Variants in DENND6A observed in about 807,000 individuals in gnomAD.
DENND6A encodes DENN domain containing 6A, also known as protein DENND6A.
In DENND6A, 43 loss-of-function variants were observed where a neutral mutation model predicts 95.5. The ratio of observed to expected loss-of-function variants is 0.45; its 90% CI spans 0.35 to 0.58. DENND6A has a LOEUF of 0.58. Ranked by LOEUF, DENND6A falls within the 20% of genes least tolerant of loss-of-function variation. The pLI, the probability that DENND6A is intolerant of heterozygous loss-of-function variation, is 0.00. For missense variants in DENND6A, 574 were observed against 736.0 expected (o/e 0.78, Z 2.55); for synonymous variants, 257 against 260.4 (o/e 0.99, Z 0.13).
Position 57,642,878 on chromosome 3 carries a change from C to T in DENND6A, c.1038-1131G>A, listed in dbSNP as rs190616730. On this transcript the variant is annotated intron_variant, in intron 11 of 19. Transcript: ENST00000311128. Reference sequence around the variant, plus strand: ...AAAATTAGCCAGGTGTGGTGGCAGGCGCCTGTAATCCCAGCTACTGGGGAG... The same window carrying T: ...AAAATTAGCCAGGTGTGGTGGCAGGTGCCTGTAATCCCAGCTACTGGGGAG... Among the ~76,000 whole-genome samples the T allele has an allele frequency of 3.9e-5, 6 of 151,944 alleles. No individual in the cohort carries two copies. The East Asian group carries it at 1.2e-3, about 30-fold the overall frequency.
intron 7 of DENND6A, among the ~76,000 whole-genome samples, chr3:57,659,787 T>C (rs1010572511): frequency 2.6e-5 from 4 of 152,366 alleles, no homozygotes; most frequent in Admixed American, 1.3e-4. Flanking sequence ...GGGATGAACA[T>C]GTGTGGTCTG....
chr3:57,632,926 CTTTT>C (rs2070718015), intron 15 of DENND6A, among the ~76,000 whole-genome samples: 2 of 152,164 alleles, frequency 1.3e-5, no homozygotes, highest in Non-Finnish European at 2.9e-5. Context: ...CTATAATCTT[CTTTT>C]AAGGTGAAAA....
At chr3:57,652,210 C>T (rs1196899765) in intron 9 of DENND6A, among the ~76,000 whole-genome samples, 1 of 152,144 alleles carries the variant, frequency 6.6e-6, no homozygotes, top group Non-Finnish European at 1.5e-5. Context: ...ACTTTGAAGG[C>T]TGAGTCATAC....
intron 1 of DENND6A, among the ~76,000 whole-genome samples, chr3:57,677,483 T>G (rs1479700675): frequency 7.4e-6 from 1 of 134,358 alleles, no homozygotes; most frequent in African/African-American, 2.8e-5. Flanking sequence ...TCACCAAGGC[T>G]AGAGTACAGT....
intron 1 of DENND6A, among the ~76,000 whole-genome samples, chr3:57,685,601 C>A (rs182753057): frequency 8.9e-4 from 136 of 152,274 alleles, no homozygotes; most frequent in Admixed American, 2.9e-3. Flanking sequence ...AGATTAGGAA[C>A]ACACAACCTG....
At chr3:57,650,785 A>AT (rs55772491) in intron 9 of DENND6A, among the ~76,000 whole-genome samples, 114,875 of 143,052 alleles carry the variant, frequency 0.8, 46,396 homozygotes, top group East Asian at 0.96. Context: ...TCCACATGGA[A>AT]TTTTTTTTTT....
intron 1 of DENND6A, among the ~76,000 whole-genome samples, chr3:57,680,603 G>A (rs2077155885): frequency 6.6e-6 from 1 of 152,200 alleles, no homozygotes; most frequent in South Asian, 2.1e-4. Context: ...AAGCTGCCCA[G>A]TTTGTGGTAT....
At chr3:57,629,487 A>G (rs1193965747) in intron 18 of DENND6A, among the ~76,000 whole-genome samples, 1 of 151,058 alleles carries the variant, frequency 6.6e-6, no homozygotes, top group Non-Finnish European at 1.5e-5. Context: ...AATACAGAAC[A>G]TAAAAAAAAA....
At chr3:57,641,230 A>AATATTTAAATATATATTATATATTTAT (rs1174982726) in intron 12 of DENND6A, among the ~76,000 whole-genome samples, 6 of 144,076 alleles carry the variant, frequency 4.2e-5, no homozygotes, top group African/African-American at 1.0e-4. Context: ...TATATATTTA[A>AATATTTAAATATATATTATATATTTAT]ATATTTAAAT....
chr3:57,627,900 C>A lies in DENND6A; in HGVS notation c.*314G>T. 1 of 201,822 alleles carries A rather than the reference C, an allele frequency of 5.0e-6. No homozygotes were observed. The highest frequency in any genetic ancestry group is 1.0e-5 in the Non-Finnish European group (1 of 99,080). 12.5% of individuals were successfully genotyped at this position (201,822 alleles called of 1,614,324 possible). A position where few individuals can be genotyped will look rare whatever the true frequency, so the allele number is the denominator to read the frequency against. On this transcript the variant is annotated 3_prime_UTR_variant, in exon 20 of 20. Transcript: ENST00000311128. ...CCAATTTAAAAAAATATCTGCAATG[C>A]CAGCACTGCAGTATGAAATCACTAA... is the stretch of plus-strand genomic sequence containing the variant.
chr3:57,668,994 T>C (rs1372433533), intron 3 of DENND6A, among the ~76,000 whole-genome samples: 3 of 152,116 alleles, frequency 2.0e-5, no homozygotes. Flanking sequence ...TGCCTCAGCC[T>C]CCTGAGTAGC....
intron 1 of DENND6A, among the ~76,000 whole-genome samples, chr3:57,688,692 A>C (rs936114540): frequency 2.7e-5 from 4 of 147,240 alleles, no homozygotes; most frequent in South Asian, 2.2e-4. Context: ...ACAAAAAAAA[A>C]CACACAGCTC....
At chr3:57,689,080 G>A (rs2077237475) in intron 1 of DENND6A, among the ~76,000 whole-genome samples, 1 of 151,730 alleles carries the variant, frequency 6.6e-6, no homozygotes, top group Admixed American at 6.6e-5. Flanking sequence ...TCACCCTCCC[G>A]AGTAGCTGGG....
chr3:57,647,786 G>A (rs2153414065), intron 9 of DENND6A, among the ~76,000 whole-genome samples: 1 of 151,482 alleles, frequency 6.6e-6, no homozygotes, highest in African/African-American at 2.4e-5. Flanking sequence ...AGGGGAAGAT[G>A]GCACCCACCT....
At position 57,693,012 on chromosome 3, in the gene DENND6A, A is replaced by G. The variant is rs756959486; in HGVS notation, c.7T>C (p.Leu3=). Residue 3 remains leucine (L), a synonymous_variant, in exon 1 of 20, where the codon TTG becomes CTG. Transcript: ENST00000311128. ...GGCCCCAAGCCCGCAGGGCCCCTCA[A>G]AGCCATCGGCCGCCCCCTGACCGTT... is the stretch of plus-strand genomic sequence containing the variant. MA[L]RGPAGLGPGS... is the part of the protein sequence containing the mutation. 2.7e-6 allele frequency: 4 copies of G among 1,478,572 alleles called. No individual in the cohort carries two copies. Among genetic ancestry groups the G allele is most frequent in the Non-Finnish European group, 3.5e-6 (4 of 1,127,102 alleles). The allele number at this position is 1,478,572 out of a possible 1,614,324, so 91.6% of individuals were successfully genotyped here.
chr3:57,628,925 T>C (rs778512027), intron 18 of DENND6A, 40 bp from the exon 19 acceptor site: 3 of 1,567,416 alleles, frequency 1.9e-6, no homozygotes, highest in Non-Finnish European at 2.6e-6. Context: ...GTTCTCAAAA[T>C]AATATTCAAA....
At chr3:57,645,383 C>T (rs1002990553) in intron 11 of DENND6A, among the ~76,000 whole-genome samples, 1 of 152,112 alleles carries the variant, frequency 6.6e-6, no homozygotes, top group African/African-American at 2.4e-5. Context: ...CTCTCTTGAA[C>T]CCAGGAGGCA....
At chr3:57,653,432 A>C (rs1374098651) in intron 9 of DENND6A, among the ~76,000 whole-genome samples, 1 of 152,172 alleles carries the variant, frequency 6.6e-6, no homozygotes, top group African/African-American at 2.4e-5. Context: ...CAGGAAAGGA[A>C]ACTTCTCTCG....
At position 57,680,211 on chromosome 3, in the gene DENND6A, C is replaced by T. The variant is rs185399955; in HGVS notation, c.238-7773G>A. ...TAACTCTTGGAAGAAAACAGTAATA[C>T]ATCTTCACAACCTTGAATTAGGCAA... On this transcript the variant is annotated intron_variant, in intron 1 of 19. Transcript: ENST00000311128. Among the ~76,000 whole-genome samples, 836 of 152,322 alleles carry T rather than the reference C, an allele frequency of 5.5e-3. 2 individuals are homozygous for T. The highest frequency in any genetic ancestry group is 9.1e-3 in the Non-Finnish European group (616 of 68,022).
Sources: allele counts gnomAD v4.1 joint callset (sites outside exome capture counted in the v4.1 genomes callset), GRCh38; gene constraint gnomAD v4.1.1; transcripts MANE v1.5; gene names NCBI Gene and HGNC (gene_info 2026-07-23, HGNC 2026-07-21).